CREB3L2: variants seen among roughly 807,000 people sequenced by gnomAD.
The protein encoded by CREB3L2 is cyclic AMP-responsive element-binding protein 3-like protein 2.
CREB3L2 carries 23 observed loss-of-function variants against 57.2 expected under a neutral mutation model. That is an observed-to-expected ratio of 0.40 (90% CI 0.29 to 0.57). The LOEUF is 0.57. CREB3L2 is among the 20% of genes least tolerant of loss of function. The pLI, the probability that CREB3L2 is intolerant of heterozygous loss-of-function variation, is 0.42. For synonymous variants in CREB3L2, 268 were observed against 265.1 expected, an observed-to-expected ratio of 1.01 and a Z score of -0.11; for missense variants, 628 against 634.7, an observed-to-expected ratio of 0.99 and a Z score of 0.11.
intron 1 of CREB3L2, among the ~76,000 whole-genome samples, chr7:137,958,966 T>C (rs1358259024): frequency 6.6e-6 from 1 of 152,220 alleles, no homozygotes; most frequent in Non-Finnish European, 1.5e-5. Flanking sequence ...GTCTTCAAAA[T>C]GCCGAGTCAT....
chr7:137,990,735 T>A (rs1164916078), intron 1 of CREB3L2, among the ~76,000 whole-genome samples: 2 of 152,206 alleles, frequency 1.3e-5, no homozygotes, highest in Non-Finnish European at 2.9e-5. Flanking sequence ...TCCTATTTCC[T>A]CCAGGTTTTC....
At chr7:137,897,081 T>G (rs1321975131) in intron 8 of CREB3L2, among the ~76,000 whole-genome samples, 1 of 152,152 alleles carries the variant, frequency 6.6e-6, no homozygotes, top group Non-Finnish European at 1.5e-5. Context: ...AGAAGTGTGC[T>G]AAGCATTGGC....
At chr7:137,960,044 T>C (rs1410437850) in intron 1 of CREB3L2, among the ~76,000 whole-genome samples, 1 of 152,184 alleles carries the variant, frequency 6.6e-6, no homozygotes, top group Non-Finnish European at 1.5e-5. Flanking sequence ...CTTCCACTAA[T>C]GGAGGCACTT....
rs770785882 is a variant in CREB3L2, at chr7:137,915,827, T to C, written c.495+10A>G. The C allele has an allele frequency of 1.9e-6, 3 of 1,611,406 alleles. No individual in the cohort carries two copies. The highest frequency in any genetic ancestry group is 4.5e-5 in the East Asian group (2 of 44,870). On this transcript the variant is annotated intron_variant, in intron 3 of 11. Coordinates refer to ENST00000330387, the MANE Select transcript of CREB3L2 (RefSeq NM_194071.4). ...TCCAACCTGTTTAAACAGACGAAAA[T>C]TGAGCATACCCCAGTGTTCATTTCC...
chr7:137,944,320 A>C (rs1800928503), intron 1 of CREB3L2, among the ~76,000 whole-genome samples: 1 of 152,196 alleles, frequency 6.6e-6, no homozygotes, highest in African/African-American at 2.4e-5. Flanking sequence ...CTGCAAACGC[A>C]CAGTAAAATT....
intron 4 of CREB3L2, among the ~76,000 whole-genome samples, chr7:137,912,561 T>C (rs1273645960): frequency 6.6e-6 from 1 of 152,184 alleles, no homozygotes; most frequent in Non-Finnish European, 1.5e-5. Context: ...CATAATTAAT[T>C]GTGAATTTAC....
intron 8 of CREB3L2, among the ~76,000 whole-genome samples, chr7:137,900,562 A>G (rs1446028425): frequency 6.6e-6 from 1 of 152,134 alleles, no homozygotes; most frequent in Non-Finnish European, 1.5e-5. Flanking sequence ...TGGGAGGCCA[A>G]GGTGGGGGCG....
At chr7:137,888,052 G>A (rs1412443094) in intron 8 of CREB3L2, among the ~76,000 whole-genome samples, 4 of 152,166 alleles carry the variant, frequency 2.6e-5, no homozygotes, top group African/African-American at 4.8e-5. Flanking sequence ...TCCTGAACTC[G>A]AGCAATCCTC....
intron 1 of CREB3L2, among the ~76,000 whole-genome samples, chr7:137,989,549 C>T (rs1446982714): frequency 1.3e-5 from 2 of 151,392 alleles, no homozygotes; most frequent in Non-Finnish European, 2.9e-5. Flanking sequence ...CAAACTCCTC[C>T]CTCTCACTCT....
Position 137,901,433 on chromosome 7 carries a change from G to T in CREB3L2, c.975-11C>A, listed in dbSNP as rs558612644. ...GAACAAGACTCCACTCTACAAAGGA[G>T]GGAGAAAGAAGAAAATTATTATCCA... is the stretch of plus-strand genomic sequence containing the variant. On this transcript the variant is annotated splice_polypyrimidine_tract_variant and intron_variant, in intron 7 of 11. Coordinates refer to ENST00000330387, the MANE Select transcript of CREB3L2 (RefSeq NM_194071.4). The T allele has an allele frequency of 5.1e-6, 8 of 1,582,276 alleles. No individual in the cohort carries two copies. The highest frequency in any genetic ancestry group is 1.7e-5 in the Admixed American group (1 of 59,766).
chr7:137,885,204 A>G, intron 9 of CREB3L2, 83 bp from the exon 10 acceptor site: 3 of 1,502,134 alleles, frequency 2.0e-6, no homozygotes, highest in Non-Finnish European at 2.7e-6. Context: ...ACCCAGGGAC[A>G]CAGACTCTCC....
At chr7:137,932,103 A>C (rs996968359) in intron 1 of CREB3L2, among the ~76,000 whole-genome samples, 1 of 152,184 alleles carries the variant, frequency 6.6e-6, no homozygotes, top group Admixed American at 6.5e-5. Context: ...TTAAAACGTT[A>C]AGTAAATGGT....
chr7:137,972,704 A>ACAACAACAAC (rs1563270081), intron 1 of CREB3L2, among the ~76,000 whole-genome samples: 1 of 44,022 alleles, frequency 2.3e-5, no homozygotes, highest in African/African-American at 1.2e-4. Flanking sequence ...AAAAAAAAAA[A>ACAACAACAAC]AAAAAAAAAT....
intron 4 of CREB3L2, chr7:137,912,697 A>G (rs1030585484): frequency 2.6e-5 from 18 of 698,800 alleles, no homozygotes; most frequent in Non-Finnish European, 4.0e-5. Flanking sequence ...CTTGTTCGAT[A>G]GTGTTTGTAG....
rs968139908 is a variant in CREB3L2, at chr7:137,880,296, A to G, written c.*180T>C. 29 of 622,544 alleles carry G rather than the reference A, an allele frequency of 4.7e-5. No individual in the cohort carries two copies. The highest frequency in any genetic ancestry group is 7.0e-5 in the Non-Finnish European group (24 of 341,072). 38.6% of individuals were successfully genotyped at this position (622,544 alleles called of 1,614,324 possible). Reference sequence around the variant, plus strand: ...TCCCTTCTGCACAGGAGGGGCATGGACCAGGGGGAGATGCTCTCTCACTGC... The same window carrying G: ...TCCCTTCTGCACAGGAGGGGCATGGGCCAGGGGGAGATGCTCTCTCACTGC... On this transcript the variant is annotated 3_prime_UTR_variant, in exon 12 of 12. Coordinates refer to ENST00000330387, the MANE Select transcript of CREB3L2 (RefSeq NM_194071.4). The surrounding 1 kb of genome is among the most constrained non-coding windows in gnomAD (Gnocchi z 4.0).
chr7:137,927,460 AAAAAG>A (rs1273780990), intron 2 of CREB3L2, among the ~76,000 whole-genome samples: 1 of 151,876 alleles, frequency 6.6e-6, no homozygotes, highest in African/African-American at 2.4e-5. Flanking sequence ...AGGGAGAGAG[AAAAAG>A]AAAAGAAGAA....
chr7:137,986,292 G>C (rs528272129), intron 1 of CREB3L2, among the ~76,000 whole-genome samples: 1 of 152,330 alleles, frequency 6.6e-6, no homozygotes, highest in South Asian at 2.1e-4. Context: ...CTGCTTTCAC[G>C]GTGTTTCCAT....
chr7:137,917,698 T>C (rs1800167070), intron 2 of CREB3L2, among the ~76,000 whole-genome samples: 2 of 152,222 alleles, frequency 1.3e-5, no homozygotes, highest in South Asian at 4.1e-4. Context: ...GTGACTTCTT[T>C]AAAGCACAAA....
intron 10 of CREB3L2, among the ~76,000 whole-genome samples, chr7:137,883,306 C>A (rs975054514): frequency 1.3e-5 from 2 of 152,196 alleles, no homozygotes; most frequent in South Asian, 2.1e-4. Flanking sequence ...CTGGTGAAGA[C>A]CACAGACGTT....
Sources: allele counts gnomAD v4.1 joint callset (sites outside exome capture counted in the v4.1 genomes callset), GRCh38; gene constraint gnomAD v4.1.1; non-coding constraint Gnocchi (gnomAD v3.1); transcripts MANE v1.5; gene names NCBI Gene and HGNC (gene_info 2026-07-23, HGNC 2026-07-21).